Variants in PERM1 observed in about 807,000 individuals in gnomAD.
The protein encoded by PERM1 is PGC-1 and ERR-induced regulator in muscle protein 1.
In PERM1, 45 loss-of-function variants were observed where a neutral mutation model predicts 44.1. The ratio of observed to expected loss-of-function variants is 1.02; its 90% CI spans 0.80 to 1.31. The LOEUF (loss-of-function observed/expected upper bound fraction) is 1.31, where lower values mean the gene tolerates loss of function less well. Among genes scored for constraint, PERM1 ranks in the 50% most tolerant of loss-of-function variants. PERM1 has a pLI of 0.00. For synonymous variants in PERM1, 565 were observed against 477.1 expected (o/e 1.18, Z -2.40); for missense variants, 1,189 against 1,106.9 (o/e 1.07, Z -1.05).
chr1:980,676 G>A (rs748787280), exon 1 of PERM1: 319 of 1,427,606 alleles, frequency 2.2e-4, no homozygotes, highest in Admixed American at 2.7e-4. Flanking sequence ...GAGGGCTGGC[G>A]CCGGGGCCGA....
At chr1:978,950 C>G in exon 1 of PERM1, 1 of 1,509,038 alleles carries the variant, frequency 6.6e-7, no homozygotes, top group East Asian at 2.5e-5. Context: ...GGCCCCGCCC[C>G]CTCGGAGGCC....
chr1:979,933 T>G (rs1456514313), exon 1 of PERM1: 3 of 1,550,170 alleles, frequency 1.9e-6, no homozygotes, highest in Non-Finnish European at 2.6e-6. Flanking sequence ...AGATTGCGGC[T>G]TGGAGGCAGG....
exon 3 of PERM1, chr1:975,481 A>T (rs1406953058): frequency 6.6e-6 from 1 of 152,164 alleles, no homozygotes; most frequent in East Asian, 1.9e-4. Flanking sequence ...GCTCCCGGGG[A>T]GGGGCTCGCG....
At chr1:979,204 C>T in exon 1 of PERM1, 1 of 1,550,148 alleles carries the variant, frequency 6.5e-7, no homozygotes, top group Non-Finnish European at 8.7e-7. Flanking sequence ...CCACTGGACG[C>T]CTGCCGGATC....
At chr1:979,569 G>A (rs767068249) in exon 1 of PERM1, 2 of 1,549,936 alleles carry the variant, frequency 1.3e-6, no homozygotes, top group East Asian at 4.9e-5. Context: ...GTGCCCCAGA[G>A]CAGCATCCGG....
chr1:978,399 C>T (rs995523072), intron 1 of PERM1, among the ~76,000 whole-genome samples: 10 of 152,018 alleles, frequency 6.6e-5, no homozygotes, highest in Admixed American at 1.3e-4. Context: ...GGGAACCGCC[C>T]GCCCTGGACG....
chr1:980,440 C>T (rs1643765140), exon 1 of PERM1: 4 of 1,544,506 alleles, frequency 2.6e-6, no homozygotes, highest in Non-Finnish European at 3.5e-6. Context: ...AGCAGAGGCT[C>T]CTGTGTGCCC....
At position 979,639 on chromosome 1, in the gene PERM1, C is replaced by A; in HGVS notation, c.1391G>T (p.Arg464Ile). The change falls in exon 1 of 3, where the codon AGA (arginine) becomes ATA (isoleucine). Residue 464 changes from arginine to isoleucine, a missense_variant. Arg to Ile is a moderately conservative substitution (Grantham distance 97, BLOSUM62 -3). Transcript: ENST00000433179. ...CATCTCCACCACATCAGGCCCAGCTCTGCGGGTGGGAGGCCAGGCGAGGCC... is the reference window on the plus strand; with the variant it reads ...CATCTCCACCACATCAGGCCCAGCTATGCGGGTGGGAGGCCAGGCGAGGCC... 3 of 1,550,284 alleles carry A rather than the reference C, an allele frequency of 1.9e-6. No individual in the cohort carries two copies. In the South Asian group the frequency reaches 3.6e-5, roughly 18 times the overall value.
chr1:978,805 GC>G, intron 1 of PERM1, 75 bp downstream of exon 2: 1 of 1,337,778 alleles, frequency 7.5e-7, no homozygotes. Flanking sequence ...GGCCCCTGCG[GC>G]CCCCTGCTTG....
At chr1:981,973 C>T (rs1033722242), upstream of PERM1, 34 of 1,104,542 alleles carry the variant, frequency 3.1e-5, no homozygotes, top group African/African-American at 3.1e-4. Flanking sequence ...CACTGACCTT[C>T]GCCCTCCTCT....
Position 976,643 on chromosome 1 carries a change from T to C in PERM1, c.2150-19A>G. 4.5e-6 allele frequency: 7 copies of C among 1,548,038 alleles called. No homozygotes were observed. Among genetic ancestry groups the C allele is most frequent in the East Asian group, 2.4e-5 (1 of 40,866 alleles). On this transcript the variant is annotated intron_variant, in intron 1 of 2. Coordinates refer to ENST00000433179, the Ensembl canonical transcript of PERM1. ...AGCTCCCCTAGGACAGAAGCTCACC[T>C]TCAGCCCCACGGCTGCACTCAGAGA...
chr1:976,048 G>GC (rs1317443595), exon 3 of PERM1: 6 of 953,916 alleles, frequency 6.3e-6, no homozygotes, highest in African/African-American at 3.4e-5. Flanking sequence ...ACCAGGACAC[G>GC]CCCCCCTCCT....
intron 1 of PERM1, among the ~76,000 whole-genome samples, chr1:978,565 G>A (rs1413673414): frequency 3.9e-5 from 6 of 152,250 alleles, no homozygotes; most frequent in Non-Finnish European, 8.8e-5. Context: ...GGGCCTCGTA[G>A]AGTGCCTGAC....
chr1:979,974 C>T (rs765857814), exon 1 of PERM1: 30 of 1,548,744 alleles, frequency 1.9e-5, no homozygotes, highest in South Asian at 6.0e-5. Flanking sequence ...TGTCAGGTTG[C>T]GGCTCAGAGG....
exon 3 of PERM1, chr1:975,972 C>G (rs1453992533): frequency 1.7e-6 from 1 of 578,714 alleles, no homozygotes; most frequent in Non-Finnish European, 2.9e-6. Flanking sequence ...TTTAGCACCT[C>G]CCTCCCAGGC....
At chr1:979,836 G>A (rs1284586448) in exon 1 of PERM1, 62 of 1,549,664 alleles carry the variant, frequency 4.0e-5, no homozygotes, top group Middle Eastern at 1.7e-4. Flanking sequence ...ACACAGCCAC[G>A]TCCGTGTCCA....
exon 3 of PERM1, chr1:976,266 A>C (rs1406116968): frequency 6.6e-7 from 1 of 1,516,024 alleles, no homozygotes; most frequent in Admixed American, 2.2e-5. Flanking sequence ...GTTGGCCAGC[A>C]AGGCTGCAAG....
chr1:979,352 G>T, exon 1 of PERM1: 1 of 1,515,182 alleles, frequency 6.6e-7, no homozygotes, highest in Non-Finnish European at 8.9e-7. Context: ...GGGGGGCGAG[G>T]CAGGTGCTTG....
chr1:980,421 C>G (rs1354336954), exon 1 of PERM1: 1 of 1,549,222 alleles, frequency 6.5e-7, no homozygotes, highest in Non-Finnish European at 8.7e-7. Context: ...GGGAGCCCGT[C>G]TGGGCAGAAG....
Sources: allele counts gnomAD v4.1 joint callset (sites outside exome capture counted in the v4.1 genomes callset), GRCh38; gene constraint gnomAD v4.1.1; transcripts MANE v1.5; gene names NCBI Gene and HGNC (gene_info 2026-07-23, HGNC 2026-07-21).